The following ARHGAP20 variants were observed in gnomAD, a reference collection of about 807,000 sequenced individuals.
The protein encoded by ARHGAP20 is Rho GTPase activating protein 20, also known as rho GTPase-activating protein 20.
ARHGAP20 carries 34 observed loss-of-function variants against 73.7 expected under a neutral mutation model. The ratio of observed to expected loss-of-function variants is 0.46; its 90% CI spans 0.35 to 0.61. The LOEUF (loss-of-function observed/expected upper bound fraction) is 0.61. Among genes scored for constraint, ARHGAP20 ranks in the 20% least tolerant of loss-of-function variants. ARHGAP20 has a pLI of 0.00. For synonymous variants in ARHGAP20, 523 were observed against 518.2 expected, an observed-to-expected ratio of 1.01 and a Z score of -0.13; for missense variants, 1,314 against 1,420.9, an observed-to-expected ratio of 0.92 and a Z score of 1.21.
chr11:110,699,524 T>C (rs1211039925), intron 1 of ARHGAP20, among the ~76,000 whole-genome samples: 1 of 152,012 alleles, frequency 6.6e-6, no homozygotes, highest in Non-Finnish European at 1.5e-5. Flanking sequence ...ACTATTACTG[T>C]ATTACTATCA....
intron 4 of ARHGAP20, among the ~76,000 whole-genome samples, chr11:110,617,265 C>CT (rs796278739): frequency 0.021 from 2,951 of 143,610 alleles, 76 homozygotes; most frequent in African/African-American, 0.065. Context: ...CTTTTTCTTT[C>CT]TTTTTTTTTT....
chr11:110,677,747 A>T (rs1354366373), intron 2 of ARHGAP20, among the ~76,000 whole-genome samples: 2 of 152,176 alleles, frequency 1.3e-5, no homozygotes. Context: ...ACTGGTAAGG[A>T]TGTGGAGAAA....
At chr11:110,586,804 A>G (rs1947680356) in intron 11 of ARHGAP20, among the ~76,000 whole-genome samples, 1 of 152,210 alleles carries the variant, frequency 6.6e-6, no homozygotes. Flanking sequence ...GAAGTGACTA[A>G]AACAAAGTCT....
Position 110,691,218 on chromosome 11 carries a change from G to A in ARHGAP20, c.106-589C>T, listed in dbSNP as rs1037081176. On this transcript the variant is annotated intron_variant, in intron 1 of 14. Transcript: ENST00000683387. ...TCTAGGTGGTATATAAATATAAGAC[G>A]GTGGTAATCTGTTCCAGTGACCTAA... Among the ~76,000 whole-genome samples, 7 of 151,734 alleles carry A rather than the reference G, an allele frequency of 4.6e-5. No homozygotes were observed. The South Asian group carries it at 1.3e-3, about 27-fold the overall frequency.
chr11:110,711,343 C>G (rs1950649653), intron 1 of ARHGAP20, among the ~76,000 whole-genome samples: 1 of 40 alleles, frequency 0.025, no homozygotes, highest in African/African-American at 0.12. Flanking sequence ...GGCCAGAGTC[C>G]CAGGGGCCAG....
At chr11:110,648,222 T>C (rs1339494220) in intron 2 of ARHGAP20, among the ~76,000 whole-genome samples, 23 of 27,722 alleles carry the variant, frequency 8.3e-4, no homozygotes, top group African/African-American at 4.9e-3. Flanking sequence ...TATATATATG[T>C]ATATATATAT....
rs759133656 is a variant in ARHGAP20 at position 110,590,660 on chromosome 11, T to C, written c.1293A>G (p.Ala431=). The C allele has an allele frequency of 6.2e-7, 1 of 1,613,708 alleles. No homozygotes were observed. Among genetic ancestry groups the C allele is most frequent in the Non-Finnish European group, 8.5e-7 (1 of 1,179,876 alleles). ...TGACTCTTCTTACCTTTAAGACAGATGCTATCACAAAAATAGATTCACAGT... is the reference window on the plus strand; with the variant it reads ...TGACTCTTCTTACCTTTAAGACAGACGCTATCACAAAAATAGATTCACAGT... ...HLDCESIFVI[A]SVLKDFLRNI... is the part of the protein sequence containing the mutation. The change falls in exon 11 of 15, where the codon GCA becomes GCG. Residue 431 remains alanine, a synonymous_variant. Transcript: ENST00000683387.
chr11:110,693,445 A>G (rs1393212744), intron 1 of ARHGAP20, among the ~76,000 whole-genome samples: 2 of 151,984 alleles, frequency 1.3e-5, no homozygotes, highest in Non-Finnish European at 2.9e-5. Context: ...TTAAGTGTCC[A>G]CCAAAGATTC....
chr11:110,662,914 A>G (rs1255700736), intron 2 of ARHGAP20, among the ~76,000 whole-genome samples: 1 of 151,998 alleles, frequency 6.6e-6, no homozygotes, highest in African/African-American at 2.4e-5. Context: ...TGAACCAAGA[A>G]CATCTTGTCA....
intron 2 of ARHGAP20, among the ~76,000 whole-genome samples, chr11:110,639,457 A>G (rs1313640214): frequency 6.6e-6 from 1 of 151,954 alleles, no homozygotes; most frequent in Non-Finnish European, 1.5e-5. Context: ...CCATTTAAAA[A>G]TGCATAATTC....
At chr11:110,613,138 T>C (rs1351560130) in intron 6 of ARHGAP20, among the ~76,000 whole-genome samples, 1 of 152,224 alleles carries the variant, frequency 6.6e-6, no homozygotes, top group African/African-American at 2.4e-5. Context: ...AACATAATTA[T>C]AGAAAGTATA....
intron 2 of ARHGAP20, among the ~76,000 whole-genome samples, chr11:110,667,976 C>T (rs1327665793): frequency 6.6e-6 from 1 of 152,170 alleles, no homozygotes; most frequent in Admixed American, 6.5e-5. Context: ...TGTAAAGATG[C>T]TGAAATGACA....
At chr11:110,604,155 A>C (rs1333340665) in intron 9 of ARHGAP20, among the ~76,000 whole-genome samples, 1 of 152,168 alleles carries the variant, frequency 6.6e-6, no homozygotes, top group Non-Finnish European at 1.5e-5. Context: ...CTGGCCCCTT[A>C]CAGGAAAAGT....
chr11:110,667,589 G>A (rs560106505), intron 2 of ARHGAP20, among the ~76,000 whole-genome samples: 23 of 152,282 alleles, frequency 1.5e-4, no homozygotes, highest in Non-Finnish European at 2.9e-4. Flanking sequence ...GCAGTGCATG[G>A]ATCAAGAAAT....
chr11:110,590,527 T>G lies in ARHGAP20; in HGVS notation c.1305+121A>C. On this transcript the variant is annotated intron_variant, in intron 11 of 14. Transcript: ENST00000683387. ...TTATAACACTTTTTAGTGTTAAAAA[T>G]TATGTTAATAAATCTATTATGGGTC... 1.8e-6 allele frequency: 2 copies of G among 1,092,852 alleles called. 1 individual carries two copies. The highest frequency in any genetic ancestry group is 2.5e-6 in the Non-Finnish European group (2 of 815,124). The allele number at this position is 1,092,852 out of a possible 1,614,324, so 67.7% of individuals were successfully genotyped here.
chr11:110,672,830 TTTAAAG>T (rs1300440358), intron 2 of ARHGAP20, among the ~76,000 whole-genome samples: 3 of 152,224 alleles, frequency 2.0e-5, no homozygotes, highest in Non-Finnish European at 4.4e-5. Flanking sequence ...GGTGATTTCT[TTTAAAG>T]TTAAACAAAC....
chr11:110,673,759 A>G (rs574382245), intron 2 of ARHGAP20, among the ~76,000 whole-genome samples: 1 of 152,270 alleles, frequency 6.6e-6, no homozygotes, highest in East Asian at 1.9e-4. Flanking sequence ...GGCCACCATG[A>G]TATTATAATA....
chr11:110,612,982 G>C (rs1001680636), intron 6 of ARHGAP20, among the ~76,000 whole-genome samples: 17 of 152,030 alleles, frequency 1.1e-4, no homozygotes, highest in African/African-American at 4.1e-4. Flanking sequence ...TTTTAAAAAG[G>C]CTTCTGATTT....
chr11:110,612,441 A>AAAAC (rs376969231), intron 6 of ARHGAP20, among the ~76,000 whole-genome samples: 9 of 151,928 alleles, frequency 5.9e-5, no homozygotes, highest in African/African-American at 1.9e-4. Flanking sequence ...AAAAAAACAA[A>AAAAC]AAACAAACAA....
Sources: gnomAD v4.1 joint callset for allele counts (sites outside exome capture counted in the v4.1 genomes callset) on GRCh38, gnomAD v4.1.1 for gene constraint, MANE v1.5 for transcripts, NCBI Gene and HGNC (gene_info 2026-07-23, HGNC 2026-07-21) for gene names.